The following LOXHD1 variants were observed in gnomAD, a reference collection of about 807,000 sequenced individuals.
LOXHD1 encodes the protein lipoxygenase homology domain-containing protein 1.
A neutral mutation model predicts 248.2 loss-of-function variants in LOXHD1; 205 were observed. The observed-to-expected ratio is 0.83, with a 90% CI of 0.74 to 0.93. The LOEUF (loss-of-function observed/expected upper bound fraction) is 0.93. LOXHD1 is among the 40% of genes least tolerant of loss of function. The pLI, the probability that LOXHD1 is intolerant of heterozygous loss-of-function variation, is 0.00. For synonymous variants in LOXHD1, 1,113 were observed against 1,162.8 expected (o/e 0.96, Z 0.87); for missense variants, 2,930 against 2,971.6 (o/e 0.99, Z 0.33).
At chr18:46,492,351 C>A (rs1466896437) in intron 37 of LOXHD1, among the ~76,000 whole-genome samples, 2 of 152,208 alleles carry the variant, frequency 1.3e-5, no homozygotes, top group Non-Finnish European at 2.9e-5. Flanking sequence ...AATTGACTCA[C>A]AGTTCTGCAT....
At chr18:46,527,222 A>G (rs1159500668) in intron 29 of LOXHD1, among the ~76,000 whole-genome samples, 3 of 152,088 alleles carry the variant, frequency 2.0e-5, no homozygotes, top group African/African-American at 7.2e-5. Flanking sequence ...TACTTAATCC[A>G]TATTTATTGA....
chr18:46,642,362 T>C (rs2038973696), intron 2 of LOXHD1, among the ~76,000 whole-genome samples: 1 of 152,342 alleles, frequency 6.6e-6, no homozygotes, highest in South Asian at 2.1e-4. Context: ...CTCCCAGTCA[T>C]GACCCCATGC....
intron 17 of LOXHD1, among the ~76,000 whole-genome samples, chr18:46,563,542 C>T (rs918230399): frequency 4.6e-5 from 7 of 152,098 alleles, no homozygotes; most frequent in African/African-American, 1.7e-4. Context: ...CTGCTGTGTG[C>T]CTGCCTGCTA....
In LOXHD1 at chr18:46,604,187, G is replaced by A. The variant is rs776246540; in HGVS notation, c.802C>T (p.Pro268Ser). ...TCCAAGGCCAGCCAGCGGTTAAGGGGGAAGTCATATTTTCTTTTGTTCCCA... is the reference window on the plus strand; with the variant it reads ...TCCAAGGCCAGCCAGCGGTTAAGGGAGAAGTCATATTTTCTTTTGTTCCCA... ...DIGNKRKYDF[P>S]LNRWLALDED... is the part of the protein sequence containing the mutation. The change falls in exon 7 of 41, where the codon CCC (proline) becomes TCC (serine). Residue 268 changes from proline (P) to serine (S), a missense_variant. Transcript: ENST00000642948. The A allele has an allele frequency of 8.4e-6, 13 of 1,551,738 alleles. No homozygotes were observed. The East Asian group carries it at 1.2e-4, about 15-fold the overall frequency.
chr18:46,625,195 C>T (rs955039956), intron 4 of LOXHD1, among the ~76,000 whole-genome samples: 1 of 152,178 alleles, frequency 6.6e-6, no homozygotes, highest in African/African-American at 2.4e-5. Flanking sequence ...CAGGTTCTCT[C>T]AAAAGTTCCC....
In LOXHD1 at chr18:46,592,190, T is replaced by C. The variant is rs534203057; in HGVS notation, c.1519-122A>G. On this transcript the variant is annotated intron_variant, in intron 11 of 40. Coordinates refer to ENST00000642948, the MANE Select transcript of LOXHD1 (RefSeq NM_001384474.1). Reference sequence around the variant, plus strand: ...GGCTATTTCCTGGAGATAATCCTTATGGCAGGCAGAGGGCCGGATTAGTAT... The same window carrying C: ...GGCTATTTCCTGGAGATAATCCTTACGGCAGGCAGAGGGCCGGATTAGTAT... The C allele has an allele frequency of 9.9e-4, 1,321 of 1,337,238 alleles. 5 individuals carry two copies. Among genetic ancestry groups the C allele is most frequent in the Non-Finnish European group, 5.5e-4 (532 of 965,338 alleles). 82.8% of individuals were successfully genotyped at this position (1,337,238 alleles called of 1,614,324 possible). A position where few individuals can be genotyped will look rare whatever the true frequency, so the allele number is the denominator to read the frequency against.
intron 2 of LOXHD1, among the ~76,000 whole-genome samples, chr18:46,647,946 A>T (rs1011321757): frequency 3.3e-5 from 5 of 152,202 alleles, no homozygotes; most frequent in African/African-American, 1.2e-4. Context: ...GTCAAGGGAA[A>T]TGTCTACATC....
At chr18:46,480,862 T>C (rs1288463017) in intron 40 of LOXHD1, among the ~76,000 whole-genome samples, 1 of 152,182 alleles carries the variant, frequency 6.6e-6, no homozygotes, top group African/African-American at 2.4e-5. Context: ...GTTTCTGTAT[T>C]TGAATTTTTA....
intron 8 of LOXHD1, among the ~76,000 whole-genome samples, chr18:46,599,388 G>A (rs189699534): frequency 1.3e-5 from 2 of 152,002 alleles, no homozygotes. Context: ...AAATGTTGCT[G>A]GAACATTTGC....
chr18:46,505,762 G>A, intron 37 of LOXHD1, 76 bp downstream of exon 37: 1 of 1,469,366 alleles, frequency 6.8e-7, no homozygotes, highest in South Asian at 1.2e-5. Context: ...TCAATGTGCT[G>A]CCAGGGAGGG....
intron 12 of LOXHD1, among the ~76,000 whole-genome samples, chr18:46,583,661 G>C (rs1010797440): frequency 6.6e-6 from 1 of 152,048 alleles, no homozygotes; most frequent in Admixed American, 6.6e-5. Flanking sequence ...GCTCTAGTTA[G>C]AATGGCCATC....
At chr18:46,620,946 C>T (rs193033628) in intron 4 of LOXHD1, among the ~76,000 whole-genome samples, 91 of 152,202 alleles carry the variant, frequency 6.0e-4, no homozygotes, top group Non-Finnish European at 9.1e-4. Flanking sequence ...AAGCAGACCA[C>T]GAGCCCAAAG....
At chr18:46,548,797 A>G (rs550713161) in intron 21 of LOXHD1, among the ~76,000 whole-genome samples, 2 of 152,262 alleles carry the variant, frequency 1.3e-5, no homozygotes, top group African/African-American at 2.4e-5. Flanking sequence ...AAAAAAAGTC[A>G]AAGAGACAGA....
chr18:46,479,514 T>C (rs1269306040), intron 40 of LOXHD1, among the ~76,000 whole-genome samples: 2 of 152,108 alleles, frequency 1.3e-5, no homozygotes, highest in African/African-American at 4.8e-5. Flanking sequence ...GCCCCAGCCC[T>C]GCCACCTACC....
In LOXHD1 at chr18:46,601,422, GC is replaced by G. The variant is rs1274033269; in HGVS notation, c.928del (p.Ala310LeufsTer49). 2 of 1,551,538 alleles carry G rather than the reference GC, an allele frequency of 1.3e-6. No individual in the cohort carries two copies. The highest frequency in any genetic ancestry group is 1.7e-6 in the Non-Finnish European group (2 of 1,146,996). ...VTVFTGDVRGAGTKSKIYLVM... is the reference protein window; with the variant it reads ...VTVFTGDVRGXGTKSKIYLVM... ...CAAGTAGATTTTGGATTTGGTACCA[GC>G]CCCCCGGACATCCCCAGTGAAGACG... On this transcript the variant is annotated frameshift_variant, in exon 8 of 41. Transcript: ENST00000642948. LOFTEE classifies it high-confidence loss of function.
chr18:46,505,402 G>C (rs2034497234), intron 37 of LOXHD1, among the ~76,000 whole-genome samples: 1 of 152,034 alleles, frequency 6.6e-6, no homozygotes, highest in East Asian at 1.9e-4. Context: ...GGCTGGTCTT[G>C]AACTCCTGGG....
intron 12 of LOXHD1, among the ~76,000 whole-genome samples, chr18:46,587,873 T>A (rs1391058728): frequency 6.6e-6 from 1 of 152,120 alleles, no homozygotes; most frequent in African/African-American, 2.4e-5. Flanking sequence ...TATCTCCCAG[T>A]CTGTGTTAAT....
chr18:46,509,815 C>T lies in LOXHD1; in HGVS notation c.5400G>A (p.Arg1800=). 2 of 1,539,846 alleles carry T rather than the reference C, an allele frequency of 1.3e-6. No homozygotes were observed. Among genetic ancestry groups the T allele is most frequent in the Non-Finnish European group, 1.8e-6 (2 of 1,140,132 alleles). Residue 1800 remains arginine, a splice_region_variant and synonymous_variant, in exon 35 of 41, where the codon AGG becomes AGA. Coordinates refer to ENST00000642948, the MANE Select transcript of LOXHD1 (RefSeq NM_001384474.1). The part of the protein sequence containing the change: ...EEMQLDKKKA[R]FEREQNDTFI... ...AGGTGTCGTTCTGCTCCCGCTCAAA[C>T]CTGGGGGTGGAGAGGAGGGGCATGA...
intron 4 of LOXHD1, among the ~76,000 whole-genome samples, chr18:46,633,537 G>A (rs2038854103): frequency 6.6e-6 from 1 of 152,084 alleles, no homozygotes; most frequent in Non-Finnish European, 1.5e-5. Flanking sequence ...AAACATGGGA[G>A]AAAAATCTTC....
Sources: gnomAD v4.1 joint callset for allele counts (sites outside exome capture counted in the v4.1 genomes callset) on GRCh38, gnomAD v4.1.1 for gene constraint, MANE v1.5 for transcripts, NCBI Gene and HGNC (gene_info 2026-07-23, HGNC 2026-07-21) for gene names.